The following KATNB1 variants were observed in gnomAD, a reference collection of about 807,000 sequenced individuals.
The protein encoded by KATNB1 is katanin p80 WD40 repeat-containing subunit B1.
A neutral mutation model predicts 82.3 loss-of-function variants in KATNB1; 38 were observed. That is an observed-to-expected ratio of 0.46 (90% confidence interval 0.36 to 0.61). The LOEUF is 0.61. Among genes scored for constraint, KATNB1 ranks in the 20% least tolerant of loss-of-function variants. KATNB1 has a pLI of 0.00. For synonymous variants in KATNB1, 361 were observed against 368.7 expected (o/e 0.98, Z 0.24); for missense variants, 749 against 915.7 (o/e 0.82, Z 2.35).
At chr16:57,738,183 T>G (rs1330302520) in intron 2 of KATNB1, among the ~76,000 whole-genome samples, 1 of 152,180 alleles carries the variant, frequency 6.6e-6, no homozygotes. Flanking sequence ...TGGCATAGCT[T>G]TTGTGTGCTC....
chr16:57,756,667 T>A (rs888118572), intron 19 of KATNB1, 147 bp from the exon 20 acceptor site: 46 of 1,349,626 alleles, frequency 3.4e-5, no homozygotes, highest in Admixed American at 5.8e-5. Context: ...GTGCCCACAA[T>A]CCCTGGCAGG....
In KATNB1 at chr16:57,751,817, A is replaced by C; in HGVS notation, c.516+93A>C. 1 of 1,420,046 alleles carries C rather than the reference A, an allele frequency of 7.0e-7. No homozygotes were observed. The highest frequency in any genetic ancestry group is 9.9e-7 in the Non-Finnish European group (1 of 1,014,970). The allele number at this position is 1,420,046 out of a possible 1,614,324, so 88.0% of individuals were successfully genotyped here. A position where few individuals can be genotyped will look rare whatever the true frequency, so the allele number is the denominator to read the frequency against. On this transcript the variant is annotated intron_variant, in intron 7 of 19. Transcript: ENST00000379661. The surrounding 1 kb of genome is among the most constrained non-coding windows in gnomAD (Gnocchi z 6.3). ...CCTCACCTCCCTCCTGATCGGGCTC[A>C]CATGTCCCAAGCCTATCCCGAGTGG...
chr16:57,743,260 TC>T (rs1157023593), intron 3 of KATNB1, among the ~76,000 whole-genome samples: 1 of 152,120 alleles, frequency 6.6e-6, no homozygotes, highest in Non-Finnish European at 1.5e-5. Flanking sequence ...GCCACTGCAC[TC>T]CAGGCTGGGT....
At position 57,755,173 on chromosome 16, in the gene KATNB1, G is replaced by GCA; in HGVS notation, c.1351_1352insCA (p.Glu451AlafsTer16). 6.2e-7 allele frequency: 1 copy of GCA among 1,612,484 alleles called. No homozygotes were observed. Among genetic ancestry groups the GCA allele is most frequent in the Non-Finnish European group, 8.5e-7 (1 of 1,179,902 alleles). On this transcript the variant is annotated frameshift_variant, in exon 15 of 20. Coordinates refer to ENST00000379661, the MANE Select transcript of KATNB1 (RefSeq NM_005886.3). LOFTEE classifies it high-confidence loss of function. ...TGCTTCCACACCTGCACCCAAGGCTGAGCCTGCCATCATCCCTGCCACCCG... is the reference window on the plus strand; with the variant it reads ...TGCTTCCACACCTGCACCCAAGGCTGCAAGCCTGCCATCATCCCTGCCACCCG...
In KATNB1 at chr16:57,756,853, C is replaced by G; in HGVS notation, c.1875C>G (p.Ser625Arg). 1 of 1,575,588 alleles carries G rather than the reference C, an allele frequency of 6.3e-7. No homozygotes were observed. The highest frequency in any genetic ancestry group is 1.8e-5 in the Admixed American group (1 of 54,942). ...KCRLCYKQLK[S>R]ISGLVKSKSG... is the part of the protein sequence containing the mutation. ...GGCTCTGCTACAAGCAGCTTAAGAG[C>G]ATCAGCGGCCTGGTCAAGAGCAAGT... Residue 625 changes from serine (S) to arginine (R), a missense_variant, in exon 20 of 20, where the codon AGC becomes AGG. By Grantham distance (110) the Ser-to-Arg change is moderately radical. Around this residue, in one of 3 missense-constraint regions of KATNB1, gnomAD observed 95 missense variants for 131.6 expected, o/e 0.72. Coordinates refer to ENST00000379661, the MANE Select transcript of KATNB1 (RefSeq NM_005886.3).
At chr16:57,745,571 A>AAAG (rs2049178124) in intron 4 of KATNB1, among the ~76,000 whole-genome samples, 1 of 151,634 alleles carries the variant, frequency 6.6e-6, no homozygotes, top group African/African-American at 2.4e-5. Context: ...CTCAAAAAAA[A>AAAG]AAAAAAAAGT....
Position 57,755,342 on chromosome 16 carries a change from C to A in KATNB1, c.1417-3C>A, listed in dbSNP as rs1388701034. Reference sequence around the variant, plus strand: ...CCAGCATCTGGGTGTCCATCCCACGCAGGCCGTGAAGATCCCCCAGCAGGC... The same window carrying A: ...CCAGCATCTGGGTGTCCATCCCACGAAGGCCGTGAAGATCCCCCAGCAGGC... On this transcript the variant is annotated splice_region_variant and splice_polypyrimidine_tract_variant and intron_variant, in intron 15 of 19. Transcript: ENST00000379661. 6.2e-7 allele frequency: 1 copy of A among 1,612,982 alleles called. No homozygotes were observed.
In KATNB1 at chr16:57,755,202, C is replaced by A. The variant is rs1361186601; in HGVS notation, c.1380C>A (p.Asn460Lys). 1.2e-6 allele frequency: 2 copies of A among 1,611,960 alleles called. No homozygotes were observed. The highest frequency in any genetic ancestry group is 1.7e-6 in the Non-Finnish European group (2 of 1,179,968). The change falls in exon 15 of 20, where the codon AAC becomes AAA. Residue 460 changes from asparagine (N) to lysine (K), a missense_variant. Asn to Lys is a moderately conservative substitution (Grantham distance 94). This residue lies in a region of KATNB1 where 407 missense variants were observed against 434.7 expected (regional missense o/e 0.94). Transcript: ENST00000379661. Reference protein sequence around the residue: ...AEPAIIPATRNEPIGLKASDF... With the variant: ...AEPAIIPATRKEPIGLKASDF... ...CTGCCATCATCCCTGCCACCCGGAA[C>A]GAGCCCATCGGGCTGAAGGCCTCCG...
rs369515904 is a variant in KATNB1, at chr16:57,736,511, C to G, written c.-266-467C>G. ...GCAGGAGCGGTTCCCTTGCCAGGAG[C>G]TGGGGAATTGGACCATCAGGGTCGT... On this transcript the variant is annotated intron_variant, in intron 1 of 19. Transcript: ENST00000379661. Among the ~76,000 whole-genome samples, 51 of 152,260 alleles carry G rather than the reference C, an allele frequency of 3.3e-4. 1 individual carries two copies. Among genetic ancestry groups the G allele is most frequent in the Middle Eastern group, 6.8e-3 (2 of 294 alleles).
intron 4 of KATNB1, among the ~76,000 whole-genome samples, chr16:57,748,726 G>A (rs1466875559): frequency 6.6e-6 from 1 of 152,212 alleles, no homozygotes; most frequent in Non-Finnish European, 1.5e-5. Context: ...ATGTGGTCCT[G>A]CCTGCTTTCC....
chr16:57,745,521 C>G (rs965800391), intron 4 of KATNB1, among the ~76,000 whole-genome samples: 4 of 151,094 alleles, frequency 2.6e-5, no homozygotes, highest in African/African-American at 4.9e-5. Context: ...CAAGATCGCA[C>G]CATTGCACTA....
Position 57,753,273 on chromosome 16 carries a change from G to T in KATNB1, c.1046+6G>T, listed in dbSNP as rs2049245423. 6.3e-7 allele frequency: 1 copy of T among 1,590,412 alleles called. No individual in the cohort carries two copies. Among genetic ancestry groups the T allele is most frequent in the African/African-American group, 1.3e-5 (1 of 74,368 alleles). On this transcript the variant is annotated splice_donor_region_variant and intron_variant, in intron 11 of 19. Transcript: ENST00000379661. ...ACCTGCAGCAAGCCTCAGAGGTGAG[G>T]GCCTGGGGGGCCTTCGGGGGCCCAG...
intron 3 of KATNB1, 24 bp downstream of exon 3, chr16:57,741,841 G>T: frequency 1.9e-6 from 3 of 1,607,762 alleles, no homozygotes; most frequent in South Asian, 1.1e-5. Flanking sequence ...GCTGGCGGGG[G>T]GTCAGGACAA....
At chr16:57,754,139 G>C in intron 13 of KATNB1, 144 bp downstream of exon 13, 1 of 703,614 alleles carries the variant, frequency 1.4e-6, no homozygotes, top group Middle Eastern at 2.4e-4. Flanking sequence ...CTGGGTCTCT[G>C]CCCTCTGCCT....
chr16:57,756,394 T>A lies in KATNB1; in HGVS notation c.1757T>A (p.Leu586Gln). The change falls in exon 19 of 20, where the codon CTG (leucine) becomes CAG (glutamine). Residue 586 changes from leucine to glutamine, a missense_variant. Coordinates refer to ENST00000379661, the MANE Select transcript of KATNB1 (RefSeq NM_005886.3). ...GGCTGCACCTCCCTGAAGCTGATCCTGCAGCGGTTTCTGCCCCTCATCACA... is the reference window on the plus strand; with the variant it reads ...GGCTGCACCTCCCTGAAGCTGATCCAGCAGCGGTTTCTGCCCCTCATCACA... ...QTGCTSLKLI[L>Q]QRFLPLITDM... The A allele has an allele frequency of 3.1e-6, 5 of 1,614,042 alleles. No homozygotes were observed. The highest frequency in any genetic ancestry group is 4.2e-6 in the Non-Finnish European group (5 of 1,180,000).
chr16:57,743,801 TG>T (rs1362380498), intron 3 of KATNB1, among the ~76,000 whole-genome samples: 2 of 152,216 alleles, frequency 1.3e-5, no homozygotes, highest in African/African-American at 4.8e-5. Context: ...TTTTTGAGTA[TG>T]GGATACACTT....
rs60853487 is a variant in KATNB1, at chr16:57,744,776, CGT to C, written c.289+290_289+291del. Among the ~76,000 whole-genome samples the C allele has an allele frequency of 0.53, 79,161 of 149,276 alleles. 23,444 individuals are homozygous for C. The highest frequency in any genetic ancestry group is 0.67 in the Non-Finnish European group (45,134 of 67,060). On this transcript the variant is annotated intron_variant, in intron 4 of 19. Transcript: ENST00000379661. ...GTTTGGATGTGTGTGTCTGCGGGCA[CGT>C]GTGTGTGTGTGTGTGTGTGTGTGTT...
rs552382587 is a variant in KATNB1, at chr16:57,751,152, C to T, written c.391-109C>T. On this transcript the variant is annotated intron_variant, in intron 5 of 19. Coordinates refer to ENST00000379661, the MANE Select transcript of KATNB1 (RefSeq NM_005886.3). The surrounding 1 kb of genome is among the most constrained non-coding windows in gnomAD (Gnocchi z 6.3). The stretch of plus-strand genomic sequence containing the variant: ...CTGTCCTTGTCTCCGTGGGGAGTAA[C>T]GACCTAGAGAAGGCTGGGCCCCACC... 208 of 1,076,562 alleles carry T rather than the reference C, an allele frequency of 1.9e-4. 2 individuals carry two copies. The Middle Eastern group carries it at 7.7e-3, about 40-fold the overall frequency. 66.7% of individuals were successfully genotyped at this position (1,076,562 alleles called of 1,614,324 possible).
chr16:57,757,243 T>C lies in KATNB1; in HGVS notation c.*297T>C. On this transcript the variant is annotated 3_prime_UTR_variant, in exon 20 of 20. Coordinates refer to ENST00000379661, the MANE Select transcript of KATNB1 (RefSeq NM_005886.3). Reference sequence around the variant, plus strand: ...GCAAATTTTATTAAATTTGTAACTATTCCCAGGTTTCCTTGTGGGGAATGT... The same window carrying C: ...GCAAATTTTATTAAATTTGTAACTACTCCCAGGTTTCCTTGTGGGGAATGT... 1 of 261,290 alleles carries C rather than the reference T, an allele frequency of 3.8e-6. No individual in the cohort carries two copies. The highest frequency in any genetic ancestry group is 6.8e-5 in the East Asian group (1 of 14,636). 16.2% of individuals were successfully genotyped at this position (261,290 alleles called of 1,614,324 possible).
Sources: gnomAD v4.1 joint callset for allele counts (sites outside exome capture counted in the v4.1 genomes callset) on GRCh38, gnomAD v4.1.1 for gene constraint, gnomAD v4.1.1 regional missense constraint, Gnocchi (gnomAD v3.1) non-coding constraint, MANE v1.5 for transcripts, NCBI Gene and HGNC (gene_info 2026-07-23, HGNC 2026-07-21) for gene names.